The following LMNTD1 variants were observed in gnomAD, a reference collection of about 807,000 sequenced individuals.
The protein encoded by LMNTD1 is lamin tail domain-containing protein 1.
Under a neutral mutation model 50.9 loss-of-function variants are expected in LMNTD1, and 35 were observed. The observed-to-expected ratio is 0.69, with a 90% CI of 0.53 to 0.91. The LOEUF (loss-of-function observed/expected upper bound fraction) is 0.91. Among genes scored for constraint, LMNTD1 ranks in the 40% least tolerant of loss-of-function variants. The pLI is 0.00. For synonymous variants in LMNTD1, 153 were observed against 161.9 expected, an observed-to-expected ratio of 0.94 and a Z score of 0.42; for missense variants, 470 against 475.5, an observed-to-expected ratio of 0.99 and a Z score of 0.11.
chr12:25,497,428 G>A (rs1045010595), intron 9 of LMNTD1: 12 of 152,148 alleles, frequency 7.9e-5, no homozygotes, highest in African/African-American at 2.2e-4. Context: ...AACCATCTGC[G>A]AGCCTAAATT....
chr12:25,627,753 T>C (rs1946622814), intron 1 of LMNTD1, among the ~76,000 whole-genome samples: 1 of 152,216 alleles, frequency 6.6e-6, no homozygotes, highest in Non-Finnish European at 1.5e-5. Context: ...CACATATTCA[T>C]GAACATGAAT....
At chr12:25,551,103 C>T (rs530435192) in intron 2 of LMNTD1, among the ~76,000 whole-genome samples, 12 of 152,274 alleles carry the variant, frequency 7.9e-5, no homozygotes, top group Middle Eastern at 6.8e-3. Context: ...TTGTAAGACA[C>T]GACTTCTCCC....
At chr12:25,603,708 A>C (rs915617247) in intron 1 of LMNTD1, among the ~76,000 whole-genome samples, 11 of 152,046 alleles carry the variant, frequency 7.2e-5, no homozygotes, top group Non-Finnish European at 1.6e-4. Context: ...TAAGACAATA[A>C]ATATACACAA....
rs1944550665 is a variant in LMNTD1 at position 25,566,188 on chromosome 12, T to C, written c.59-19634A>G. Among the ~76,000 whole-genome samples the C allele has an allele frequency of 1.3e-5, 2 of 152,152 alleles. 1 individual carries two copies. The highest frequency in any genetic ancestry group is 4.1e-4 in the South Asian group (2 of 4,830). The stretch of plus-strand genomic sequence containing the variant: ...TCCCTTTGAATAAACTTTCTACCCC[T>C]CTCTCTTTCTCTACCTCCTCTTTGA... On this transcript the variant is annotated intron_variant, in intron 1 of 7. Transcript: ENST00000445693.
intron 1 of LMNTD1, among the ~76,000 whole-genome samples, chr12:25,633,708 C>T (rs1489417365): frequency 1.3e-5 from 2 of 152,106 alleles, no homozygotes; most frequent in South Asian, 2.1e-4. Flanking sequence ...GCCCTAAACA[C>T]CTACATCAAA....
intron 4 of LMNTD1, among the ~76,000 whole-genome samples, chr12:25,544,830 AG>A (rs544017322): frequency 4.7e-4 from 71 of 151,944 alleles, no homozygotes; most frequent in African/African-American, 1.6e-3. Context: ...ATAGAAAAAA[AG>A]AAAGAATAGA....
Position 25,581,835 on chromosome 12 carries a change from G to A in LMNTD1, c.59-35281C>T, listed in dbSNP as rs1300920058. Among the ~76,000 whole-genome samples, 11 of 152,122 alleles carry A rather than the reference G, an allele frequency of 7.2e-5. No individual in the cohort carries two copies. In the East Asian group the frequency reaches 2.1e-3, roughly 29 times the overall value. ...ATAGCATGTTACTGTACTGAATACTGCAGGCAATTGTAACACAATCTAAGT... is the reference window on the plus strand; with the variant it reads ...ATAGCATGTTACTGTACTGAATACTACAGGCAATTGTAACACAATCTAAGT... On this transcript the variant is annotated intron_variant, in intron 1 of 7. Coordinates refer to the LMNTD1 transcript ENST00000445693.
At chr12:25,602,543 C>A (rs898205049) in intron 1 of LMNTD1, among the ~76,000 whole-genome samples, 7 of 151,962 alleles carry the variant, frequency 4.6e-5, no homozygotes, top group African/African-American at 1.7e-4. Flanking sequence ...CTGCCTCAGA[C>A]CCACATGAAA....
chr12:25,541,413 G>A (rs1434571377), intron 4 of LMNTD1, among the ~76,000 whole-genome samples: 17 of 145,576 alleles, frequency 1.2e-4, no homozygotes, highest in Admixed American at 6.3e-4. Context: ...CAGAAATAAC[G>A]CCACATATCT....
Position 25,576,302 on chromosome 12 carries a change from C to A in LMNTD1, c.59-29748G>T, listed in dbSNP as rs887908561. On this transcript the variant is annotated intron_variant, in intron 1 of 7. Transcript: ENST00000445693. The stretch of plus-strand genomic sequence containing the variant: ...CAATGGTTGAACTAGTTTACAGTCC[C>A]ACCAACAGTGTAAAAGTGTTCTTAT... Among the ~76,000 whole-genome samples, 56 of 152,204 alleles carry A rather than the reference C, an allele frequency of 3.7e-4. 1 individual carries two copies. The highest frequency in any genetic ancestry group is 2.6e-4 in the Admixed American group (4 of 15,288).
intron 9 of LMNTD1, among the ~76,000 whole-genome samples, chr12:25,492,805 G>C (rs965193851): frequency 2.0e-5 from 3 of 152,172 alleles, no homozygotes; most frequent in African/African-American, 7.2e-5. Flanking sequence ...AGGAGAAGCT[G>C]GGATTACTCT....
chr12:25,512,425 T>A (rs1025824561), intron 8 of LMNTD1, among the ~76,000 whole-genome samples: 1 of 152,200 alleles, frequency 6.6e-6, no homozygotes, highest in Non-Finnish European at 1.5e-5. Context: ...ATGCTTATTT[T>A]AAAAAATAAT....
chr12:25,551,927 G>A (rs2136254033), intron 2 of LMNTD1, among the ~76,000 whole-genome samples: 1 of 152,216 alleles, frequency 6.6e-6, no homozygotes, highest in South Asian at 2.1e-4. Context: ...TTAAAACAGG[G>A]GCAGTTACAA....
chr12:25,483,965 T>C (rs1938527368), intron 9 of LMNTD1, among the ~76,000 whole-genome samples: 1 of 151,948 alleles, frequency 6.6e-6, no homozygotes, highest in Non-Finnish European at 1.5e-5. Flanking sequence ...TTCTTGGTTA[T>C]GTCTATTTCT....
At chr12:25,549,629 T>C (rs940988481) in intron 2 of LMNTD1, 83 bp from the exon 3 acceptor site, 3 of 684,578 alleles carry the variant, frequency 4.4e-6, no homozygotes, top group African/African-American at 1.9e-5. Flanking sequence ...CTATTATTAT[T>C]ACCCAGAATT....
At chr12:25,628,028 A>G (rs1192215726) in intron 1 of LMNTD1, among the ~76,000 whole-genome samples, 1 of 135,948 alleles carries the variant, frequency 7.4e-6, no homozygotes, top group African/African-American at 2.7e-5. Context: ...GAATGGCGTG[A>G]ACCCGGGAGG....
At chr12:25,640,763 C>T (rs7976969) in intron 1 of LMNTD1, among the ~76,000 whole-genome samples, 92,496 of 151,254 alleles carry the variant, frequency 0.61, 28,694 homozygotes, top group Non-Finnish European at 0.68. Context: ...CCCGGGTTCA[C>T]GCCATTCTCC....
chr12:25,607,906 G>A (rs538088183), intron 1 of LMNTD1, among the ~76,000 whole-genome samples: 7 of 152,240 alleles, frequency 4.6e-5, no homozygotes, highest in South Asian at 4.1e-4. Flanking sequence ...TTTCTGTCTT[G>A]TTGATCTGTC....
chr12:25,619,252 C>CTCTCTCTCTCTCTATATATATATATATA (rs1374134268), intron 1 of LMNTD1, among the ~76,000 whole-genome samples: 4 of 84,432 alleles, frequency 4.7e-5, no homozygotes, highest in African/African-American at 1.5e-4. Flanking sequence ...CTCTCTCTCT[C>CTCTCTCTCTCTCTATATATATATATATA]TATATATATA....
Sources: allele counts gnomAD v4.1 joint callset (sites outside exome capture counted in the v4.1 genomes callset), GRCh38; gene constraint gnomAD v4.1.1; transcripts MANE v1.5; gene names NCBI Gene and HGNC (gene_info 2026-07-23, HGNC 2026-07-21).